TREML4: variants seen among roughly 807,000 people sequenced by gnomAD.
The protein encoded by TREML4 is triggering receptor expressed on myeloid cells like 4.
TREML4 carries 25 observed loss-of-function variants against 25.4 expected under a neutral mutation model. The observed-to-expected ratio is 0.98, with a 90% CI of 0.72 to 1.37. The LOEUF is 1.37. Ranked by LOEUF, TREML4 falls within the 40% of genes most tolerant of loss-of-function variation. TREML4 has a pLI of 0.00. For missense variants in TREML4, 268 were observed against 236.5 expected, an observed-to-expected ratio of 1.13 and a Z score of -0.87; for synonymous variants, 92 against 87.9, an observed-to-expected ratio of 1.05 and a Z score of -0.26.
At chr6:41,233,142 C>T (rs1050830921) in intron 4 of TREML4, among the ~76,000 whole-genome samples, 1 of 152,108 alleles carries the variant, frequency 6.6e-6, no homozygotes, top group African/African-American at 2.4e-5. Context: ...AATGTATACC[C>T]TTTCATCCAG....
At chr6:41,233,506 C>T (rs947402607) in intron 4 of TREML4, among the ~76,000 whole-genome samples, 1 of 151,876 alleles carries the variant, frequency 6.6e-6, no homozygotes, top group Non-Finnish European at 1.5e-5. Flanking sequence ...ATAAAAAAGA[C>T]AAAGATATGT....
At chr6:41,228,512 C>A (rs1174368536) in intron 1 of TREML4, 22 bp downstream of exon 1, 1 of 1,607,612 alleles carries the variant, frequency 6.2e-7, no homozygotes. Flanking sequence ...GGAAAGAGTG[C>A]AGGGGGTGTA....
intron 2 of TREML4, 143 bp from the exon 3 acceptor site, chr6:41,229,378 T>C: frequency 1.2e-6 from 1 of 854,682 alleles, no homozygotes; most frequent in Non-Finnish European, 2.0e-6. Context: ...AACTCTGTCA[T>C]GCAGATCTTA....
At position 41,229,535 on chromosome 6, in the gene TREML4, C is replaced by T; in HGVS notation, c.409C>T (p.Pro137Ser). ...TTTCTCTTTAGCCCCAACCACGTCT[C>T]CTATGTGGACTCTTCCCTGGCTCCC... is the stretch of plus-strand genomic sequence containing the variant. ...LVVSPAPTTS[P>S]MWTLPWLPTS... The change falls in exon 3 of 6, where the codon CCT becomes TCT. Residue 137 changes from proline (P) to serine (S), a missense_variant. By Grantham distance (74) the Pro-to-Ser change is moderately conservative. Transcript: ENST00000341495. The T allele has an allele frequency of 1.2e-6, 2 of 1,613,918 alleles. No homozygotes were observed. The highest frequency in any genetic ancestry group is 1.7e-6 in the Non-Finnish European group (2 of 1,179,934).
At chr6:41,229,074 G>A in intron 2 of TREML4, 30 bp downstream of exon 2, 3 of 1,576,458 alleles carry the variant, frequency 1.9e-6, no homozygotes, top group Non-Finnish European at 2.6e-6. Flanking sequence ...AAATACCTCT[G>A]TGCCACCCCC....
chr6:41,236,206 C>T (rs550544334), intron 4 of TREML4, among the ~76,000 whole-genome samples: 1 of 152,242 alleles, frequency 6.6e-6, no homozygotes, highest in South Asian at 2.1e-4. Flanking sequence ...AGAATTCCTG[C>T]TCCCCCAGCT....
chr6:41,232,356 T>C (rs1455906713), intron 4 of TREML4: 1 of 405,136 alleles, frequency 2.5e-6, no homozygotes, highest in East Asian at 7.8e-5. Context: ...TCTTTTTTGA[T>C]TTATAGGAAT....
chr6:41,228,740 A>G lies in TREML4; in HGVS notation c.90A>G (p.Lys30=). The change falls in exon 2 of 6, where the codon AAA becomes AAG. Residue 30 remains lysine (K), a synonymous_variant. Coordinates refer to ENST00000341495, the MANE Select transcript of TREML4 (RefSeq NM_198153.3). Reference sequence around the variant, plus strand: ...GTGCTGTGCCTGAAGAACTTCACAAACACCCAGGACAGACCCTCCTCCTGC... The same window carrying G: ...GTGCTGTGCCTGAAGAACTTCACAAGCACCCAGGACAGACCCTCCTCCTGC... ...PQGAVPEELH[K]HPGQTLLLQC... 1.2e-6 allele frequency: 2 copies of G among 1,613,434 alleles called. No homozygotes were observed. The highest frequency in any genetic ancestry group is 1.7e-6 in the Non-Finnish European group (2 of 1,179,694).
chr6:41,233,136 T>C (rs1234228446), intron 4 of TREML4, among the ~76,000 whole-genome samples: 1 of 152,218 alleles, frequency 6.6e-6, no homozygotes, highest in East Asian at 1.9e-4. Context: ...CAAGAGAATG[T>C]ATACCCTTTC....
intron 4 of TREML4, among the ~76,000 whole-genome samples, chr6:41,233,945 A>G (rs1029406444): frequency 6.6e-6 from 1 of 151,650 alleles, no homozygotes; most frequent in African/African-American, 2.4e-5. Context: ...TATATTATGT[A>G]TGTTTTATAA....
At chr6:41,229,784 A>G (rs970644267) in intron 3 of TREML4, 6 of 639,906 alleles carry the variant, frequency 9.4e-6, no homozygotes, top group Non-Finnish European at 1.4e-5. Context: ...TGTTCTCACG[A>G]TGATGGGAGG....
chr6:41,229,930 T>C, intron 3 of TREML4, 132 bp from the exon 4 acceptor site: 2 of 764,528 alleles, frequency 2.6e-6, no homozygotes, highest in Non-Finnish European at 4.6e-6. Context: ...CAGGCCTCAG[T>C]TACCCTTAGC....
chr6:41,235,750 C>T (rs953398023), intron 4 of TREML4, among the ~76,000 whole-genome samples: 4 of 152,044 alleles, frequency 2.6e-5, no homozygotes, highest in African/African-American at 9.7e-5. Flanking sequence ...TAAATGTAAT[C>T]CCAAACACAA....
chr6:41,232,976 G>C (rs1435870525), intron 4 of TREML4, among the ~76,000 whole-genome samples: 1 of 152,192 alleles, frequency 6.6e-6, no homozygotes, highest in African/African-American at 2.4e-5. Context: ...CCCTGTTCTA[G>C]ACAATAACAA....
intron 3 of TREML4, 112 bp from the exon 4 acceptor site, chr6:41,229,950 C>T: frequency 1.1e-6 from 1 of 902,562 alleles, no homozygotes; most frequent in Non-Finnish European, 1.8e-6. Flanking sequence ...CCTGAGGGAC[C>T]CTTAGGGGCT....
chr6:41,229,241 G>C (rs1443000786), intron 2 of TREML4, among the ~76,000 whole-genome samples, 197 bp downstream of exon 2: 1 of 152,008 alleles, frequency 6.6e-6, no homozygotes, highest in Non-Finnish European at 1.5e-5. Flanking sequence ...CTCAATTGTT[G>C]GGAAGGTACC....
At chr6:41,234,731 AC>A (rs1331940056) in intron 4 of TREML4, among the ~76,000 whole-genome samples, 3 of 151,768 alleles carry the variant, frequency 2.0e-5, no homozygotes, top group African/African-American at 7.3e-5. Flanking sequence ...AGTTGATAAG[AC>A]CCATCCTCAC....
chr6:41,236,162 T>TC (rs57107993), intron 4 of TREML4, among the ~76,000 whole-genome samples: 51,302 of 151,014 alleles, frequency 0.34, 8,624 homozygotes, highest in Middle Eastern at 0.43. Flanking sequence ...ATTCCTAAGG[T>TC]CGGATGGTCC....
chr6:41,231,605 A>G (rs1466005231), intron 4 of TREML4, among the ~76,000 whole-genome samples: 1 of 152,178 alleles, frequency 6.6e-6, no homozygotes, highest in Non-Finnish European at 1.5e-5. Flanking sequence ...AGGACGATCC[A>G]TTGGAAAAAA....
Sources: gnomAD v4.1 joint callset for allele counts (sites outside exome capture counted in the v4.1 genomes callset) on GRCh38, gnomAD v4.1.1 for gene constraint, MANE v1.5 for transcripts, NCBI Gene and HGNC (gene_info 2026-07-23, HGNC 2026-07-21) for gene names.